Variants in EYA4 observed in about 807,000 individuals in gnomAD.
EYA4 encodes protein phosphatase EYA4.
In EYA4, 31 loss-of-function variants were observed where a neutral mutation model predicts 87.9. That is an observed-to-expected ratio of 0.35 (90% CI 0.27 to 0.48). The LOEUF is 0.48. Among genes scored for constraint, EYA4 ranks in the 20% least tolerant of loss-of-function variants. The pLI is 0.99. For synonymous variants in EYA4, 263 were observed against 270.6 expected, an observed-to-expected ratio of 0.97 and a Z score of 0.28; for missense variants, 678 against 761.4, an observed-to-expected ratio of 0.89 and a Z score of 1.29.
intron 2 of EYA4, among the ~76,000 whole-genome samples, chr6:133,301,297 T>C (rs1442540899): frequency 6.6e-6 from 1 of 152,232 alleles, no homozygotes; most frequent in African/African-American, 2.4e-5. Context: ...CTTTTAAACA[T>C]TATATGATTG....
At chr6:133,263,992 G>A (rs1261420507) in intron 1 of EYA4, among the ~76,000 whole-genome samples, 1 of 152,218 alleles carries the variant, frequency 6.6e-6, no homozygotes, top group Non-Finnish European at 1.5e-5. Context: ...ATTTAAAGCA[G>A]TAGGGAATGT....
intron 2 of EYA4, among the ~76,000 whole-genome samples, chr6:133,328,127 G>A (rs1293139491): frequency 1.3e-5 from 2 of 152,150 alleles, no homozygotes; most frequent in African/African-American, 4.8e-5. Context: ...CTATACCTAA[G>A]TATGGGAAGA....
intron 19 of EYA4, among the ~76,000 whole-genome samples, chr6:133,528,055 C>T (rs1171239977): frequency 6.6e-6 from 1 of 152,108 alleles, no homozygotes; most frequent in Non-Finnish European, 1.5e-5. Context: ...TTTTCTGCCC[C>T]ACAAGAGCTC....
chr6:133,401,370 T>C (rs755962669), intron 3 of EYA4, among the ~76,000 whole-genome samples: 4 of 115,132 alleles, frequency 3.5e-5, no homozygotes, highest in Non-Finnish European at 9.0e-5. Context: ...TAATCTATTG[T>C]ACATTTCAAA....
chr6:133,306,145 T>C (rs982540074), intron 2 of EYA4, among the ~76,000 whole-genome samples: 5 of 152,212 alleles, frequency 3.3e-5, no homozygotes, highest in Non-Finnish European at 1.5e-5. Context: ...TGCATTCATA[T>C]TGCATGATGA....
intron 2 of EYA4, among the ~76,000 whole-genome samples, chr6:133,356,791 G>GTATA (rs150806047): frequency 8.9e-6 from 1 of 112,878 alleles, no homozygotes. Context: ...GTGTGTGTGT[G>GTATA]TATATATATA....
At chr6:133,427,950 G>A (rs768586321) in intron 3 of EYA4, among the ~76,000 whole-genome samples, 2 of 152,158 alleles carry the variant, frequency 1.3e-5, no homozygotes, top group Non-Finnish European at 2.9e-5. Context: ...TGATTAGAGG[G>A]AAAGGAGTGA....
At chr6:133,292,739 C>G (rs1778589929) in intron 2 of EYA4, among the ~76,000 whole-genome samples, 1 of 152,102 alleles carries the variant, frequency 6.6e-6, no homozygotes, top group Non-Finnish European at 1.5e-5. Flanking sequence ...ATATTTTTGT[C>G]TCAGATGTCT....
chr6:133,318,735 T>A (rs1482857899), intron 2 of EYA4, among the ~76,000 whole-genome samples: 1 of 152,098 alleles, frequency 6.6e-6, no homozygotes, highest in African/African-American at 2.4e-5. Context: ...TCTATAGATG[T>A]TGCTGACACA....
intron 3 of EYA4, among the ~76,000 whole-genome samples, chr6:133,391,981 A>G (rs578179126): frequency 4.1e-4 from 63 of 152,292 alleles, no homozygotes; most frequent in African/African-American, 1.5e-3. Context: ...TATTCATTTT[A>G]CTACTATAGA....
At chr6:133,427,060 G>A (rs1046896166) in intron 3 of EYA4, among the ~76,000 whole-genome samples, 2 of 152,150 alleles carry the variant, frequency 1.3e-5, no homozygotes, top group African/African-American at 4.8e-5. Context: ...GGAAAGCCAA[G>A]GGCTGAGACA....
chr6:133,477,579 T>C (rs1335865771), intron 11 of EYA4, among the ~76,000 whole-genome samples: 1 of 152,048 alleles, frequency 6.6e-6, no homozygotes, highest in Non-Finnish European at 1.5e-5. Context: ...ATATGACTCT[T>C]TTATAAGTAG....
intron 2 of EYA4, among the ~76,000 whole-genome samples, chr6:133,358,206 C>T (rs745880919): frequency 1.1e-4 from 16 of 152,186 alleles, no homozygotes; most frequent in Non-Finnish European, 1.8e-4. Flanking sequence ...GCCCTCTGGA[C>T]AGAGCTTTGT....
In EYA4 at chr6:133,330,853, A is replaced by C. The variant is rs535237409; in HGVS notation, c.34-51539A>C. 3.3e-5 allele frequency among the ~76,000 whole-genome samples: 5 copies of C among 151,908 alleles called. No homozygotes were observed. The South Asian group carries it at 8.3e-4, about 25-fold the overall frequency. On this transcript the variant is annotated intron_variant, in intron 2 of 19. Transcript: ENST00000355286. ...TTGTGCAAAGTGTGGCGAGAACAGTATGTTTACATCAGTGAAGTATGTGGT... is the reference window on the plus strand; with the variant it reads ...TTGTGCAAAGTGTGGCGAGAACAGTCTGTTTACATCAGTGAAGTATGTGGT...
chr6:133,293,724 C>T (rs2128301152), intron 2 of EYA4, among the ~76,000 whole-genome samples: 1 of 151,812 alleles, frequency 6.6e-6, no homozygotes, highest in African/African-American at 2.4e-5. Flanking sequence ...TTTCTTGAGC[C>T]CAGGGGTTCG....
At position 133,351,389 on chromosome 6, in the gene EYA4, A is replaced by G. The variant is rs12055390; in HGVS notation, c.34-31003A>G. 1.1e-3 allele frequency among the ~76,000 whole-genome samples: 161 copies of G among 152,278 alleles called. 3 individuals carry two copies. The East Asian group carries it at 0.028, about 26-fold the overall frequency. On this transcript the variant is annotated intron_variant, in intron 2 of 19. Coordinates refer to ENST00000355286, the MANE Select transcript of EYA4 (RefSeq NM_004100.5). The stretch of plus-strand genomic sequence containing the variant: ...TCTTGTTGTGTTTCAACCTATGTAT[A>G]TGCAGTTCAGTCTTTAGCAACTATA...
In EYA4 at chr6:133,438,935, G is replaced by A. The variant is rs566253112; in HGVS notation, c.84-7695G>A. Among the ~76,000 whole-genome samples, 7 of 151,210 alleles carry A rather than the reference G, an allele frequency of 4.6e-5. No homozygotes were observed. The South Asian group carries it at 1.0e-3, about 23-fold the overall frequency. On this transcript the variant is annotated intron_variant, in intron 3 of 19. Transcript: ENST00000355286. The stretch of plus-strand genomic sequence containing the variant: ...CAGCCACCTGTAGTCCCAGCTACTC[G>A]GGAGGCTGAGGCAGGAGAATGGTGT...
rs896563663 is a variant in EYA4, at chr6:133,245,697, G to A, written c.-66+3948G>A. 2.0e-5 allele frequency among the ~76,000 whole-genome samples: 3 copies of A among 152,206 alleles called. No individual in the cohort carries two copies. In the East Asian group the frequency reaches 5.8e-4, roughly 29 times the overall value. ...TTATAGTTAGATGTGTTTTAATGAA[G>A]GGGACACTGCATAGTCATTAAATCA... On this transcript the variant is annotated intron_variant, in intron 1 of 19. Transcript: ENST00000355286.
At chr6:133,313,692 A>G (rs1475034766) in intron 2 of EYA4, among the ~76,000 whole-genome samples, 2 of 152,232 alleles carry the variant, frequency 1.3e-5, no homozygotes, top group African/African-American at 2.4e-5. Context: ...AATATATTTT[A>G]TAACTCTGTT....
Sources: allele counts gnomAD v4.1 joint callset (sites outside exome capture counted in the v4.1 genomes callset), GRCh38; gene constraint gnomAD v4.1.1; transcripts MANE v1.5; gene names NCBI Gene and HGNC (gene_info 2026-07-23, HGNC 2026-07-21).